ADAMTSL1: variants seen among roughly 807,000 people sequenced by gnomAD.
ADAMTSL1 encodes ADAMTS like 1, also known as ADAMTS-like protein 1.
Under a neutral mutation model 201.8 loss-of-function variants are expected in ADAMTSL1, and 126 were observed. The ratio of observed to expected loss-of-function variants is 0.62; its 90% CI spans 0.54 to 0.72. The LOEUF is 0.72. Among genes scored for constraint, ADAMTSL1 ranks in the 30% least tolerant of loss-of-function variants. ADAMTSL1 has a pLI of 0.00. For synonymous variants in ADAMTSL1, 1,121 were observed against 903.4 expected (o/e 1.24, Z -4.32); for missense variants, 2,679 against 2,277.8 (o/e 1.18, Z -3.59).
chr9:17,984,498 G>T (rs1192341238), intron 1 of ADAMTSL1, among the ~76,000 whole-genome samples: 1 of 151,348 alleles, frequency 6.6e-6, no homozygotes, highest in South Asian at 2.1e-4. Flanking sequence ...CCCATTATAG[G>T]GATTTATATG....
At chr9:18,601,299 A>G (rs1052981752) in intron 4 of ADAMTSL1, among the ~76,000 whole-genome samples, 4 of 152,238 alleles carry the variant, frequency 2.6e-5, no homozygotes, top group Admixed American at 1.3e-4. Context: ...CTATGTATTT[A>G]GCAAAATAAG....
chr9:18,235,929 T>A (rs886657842), intron 2 of ADAMTSL1, among the ~76,000 whole-genome samples: 3 of 152,224 alleles, frequency 2.0e-5, no homozygotes, highest in African/African-American at 7.2e-5. Flanking sequence ...CATTACCACA[T>A]TGCTAGACAC....
chr9:17,942,326 GA>G (rs1212924639), intron 1 of ADAMTSL1, among the ~76,000 whole-genome samples: 1 of 152,152 alleles, frequency 6.6e-6, no homozygotes, highest in Non-Finnish European at 1.5e-5. Flanking sequence ...TATACCTCAT[GA>G]AAGTACTGAT....
At chr9:18,099,326 A>AATATATATATATATATATATAT (rs71333027) in intron 1 of ADAMTSL1, among the ~76,000 whole-genome samples, 25 of 57,574 alleles carry the variant, frequency 4.3e-4, no homozygotes, top group South Asian at 1.1e-3. Flanking sequence ...GCAAATGGAA[A>AATATATATATATATATATATAT]ATATATATAT....
intron 27 of ADAMTSL1, 45 bp downstream of exon 27, chr9:18,905,936 A>G (rs761458334): frequency 6.7e-7 from 1 of 1,482,404 alleles, no homozygotes; most frequent in Non-Finnish European, 9.3e-7. Context: ...CCATGTCAAC[A>G]GCACGGAAAG....
Position 18,549,700 on chromosome 9 carries a change from G to A in ADAMTSL1, c.237+16408G>A, listed in dbSNP as rs1208911820. On this transcript the variant is annotated intron_variant, in intron 3 of 28. Coordinates refer to ENST00000380548, the MANE Select transcript of ADAMTSL1 (RefSeq NM_001040272.6). ...ATGTTGCTTTGGTCACTGAAATGTG[G>A]GTTTAAATGAGCTATGTTACTTTCT... 3.3e-5 allele frequency among the ~76,000 whole-genome samples: 5 copies of A among 152,052 alleles called. No individual in the cohort carries two copies. The East Asian group carries it at 9.7e-4, about 29-fold the overall frequency.
intron 1 of ADAMTSL1, among the ~76,000 whole-genome samples, chr9:17,944,503 T>C (rs2131356043): frequency 6.6e-6 from 1 of 151,422 alleles, no homozygotes; most frequent in East Asian, 1.9e-4. Flanking sequence ...GCCCGCATCA[T>C]CAAGTCAATC....
chr9:17,980,695 A>G (rs930951183), intron 1 of ADAMTSL1, among the ~76,000 whole-genome samples: 1 of 152,108 alleles, frequency 6.6e-6, no homozygotes, highest in African/African-American at 2.4e-5. Context: ...AACACAAAAG[A>G]GAGGATCACT....
intron 12 of ADAMTSL1, among the ~76,000 whole-genome samples, chr9:18,682,448 C>T (rs1830562166): frequency 6.6e-6 from 1 of 151,944 alleles, no homozygotes; most frequent in Non-Finnish European, 1.5e-5. Flanking sequence ...ATTCCAGAAC[C>T]ATAATTTAAA....
intron 1 of ADAMTSL1, among the ~76,000 whole-genome samples, chr9:18,011,473 G>T (rs572296230): frequency 6.6e-6 from 1 of 152,082 alleles, no homozygotes; most frequent in Non-Finnish European, 1.5e-5. Context: ...ATGGAAGATG[G>T]CACGGAACCG....
At position 18,180,350 on chromosome 9, in the gene ADAMTSL1, G is replaced by A. The variant is rs1028196497; in HGVS notation, c.207+16369G>A. The stretch of plus-strand genomic sequence containing the variant: ...AGATCGAGACCATCCCGGCTAAAAC[G>A]GTGAAACCCCGTCTCTACTAAAAAT... On this transcript the variant is annotated intron_variant, in intron 2 of 29. Coordinates refer to the ADAMTSL1 transcript ENST00000680146. Among the ~76,000 whole-genome samples the A allele has an allele frequency of 5.1e-3, 780 of 151,968 alleles. 11 individuals are homozygous for A. Among genetic ancestry groups the A allele is most frequent in the African/African-American group, 0.018 (743 of 41,448 alleles).
At position 18,503,421 on chromosome 9, in the gene ADAMTSL1, G is replaced by GTATATATA. The variant is rs10673652; in HGVS notation, c.64-1395_64-1388dup. On this transcript the variant is annotated intron_variant, in intron 1 of 28. Transcript: ENST00000380548. ...TTAAGGCTGAATAGTATTCCATTGT[G>GTATATATA]TATATATATATATATATATACCACA... Among the ~76,000 whole-genome samples the GTATATATA allele has an allele frequency of 8.6e-3, 992 of 115,278 alleles. 27 individuals are homozygous for GTATATATA. Among genetic ancestry groups the GTATATATA allele is most frequent in the African/African-American group, 0.028 (920 of 32,584 alleles). 75.6% of individuals were successfully genotyped at this position (115,278 alleles called of 152,430 possible).
chr9:18,342,385 T>C (rs1441778376), intron 2 of ADAMTSL1, among the ~76,000 whole-genome samples: 2 of 152,132 alleles, frequency 1.3e-5, no homozygotes, highest in African/African-American at 2.4e-5. Flanking sequence ...AAGTATCATC[T>C]CAAGTGGTAA....
intron 1 of ADAMTSL1, among the ~76,000 whole-genome samples, chr9:18,030,672 G>A (rs999730740): frequency 6.6e-6 from 1 of 152,002 alleles, no homozygotes; most frequent in Non-Finnish European, 1.5e-5. Context: ...TTAATTTCTT[G>A]AATTTGCATG....
At chr9:18,252,560 T>A (rs1424885294) in intron 2 of ADAMTSL1, among the ~76,000 whole-genome samples, 2 of 152,194 alleles carry the variant, frequency 1.3e-5, no homozygotes, top group Non-Finnish European at 2.9e-5. Context: ...ACAATTGTTA[T>A]ACTATTGTTT....
intron 15 of ADAMTSL1, among the ~76,000 whole-genome samples, chr9:18,742,339 G>T (rs979048478): frequency 6.6e-6 from 1 of 152,188 alleles, no homozygotes; most frequent in Non-Finnish European, 1.5e-5. Flanking sequence ...TTGGATGAAT[G>T]TCAAATTATT....
chr9:18,287,529 A>G (rs1033002595), intron 2 of ADAMTSL1, among the ~76,000 whole-genome samples: 10 of 151,410 alleles, frequency 6.6e-5, no homozygotes, highest in Non-Finnish European at 1.3e-4. Flanking sequence ...ATATTTACAT[A>G]TATGTAAAAT....
intron 2 of ADAMTSL1, among the ~76,000 whole-genome samples, chr9:18,406,990 C>A (rs1818233803): frequency 1.3e-5 from 2 of 152,162 alleles, no homozygotes; most frequent in Non-Finnish European, 2.9e-5. Context: ...TTTATGTATT[C>A]ATCCAACAAA....
intron 2 of ADAMTSL1, among the ~76,000 whole-genome samples, chr9:18,224,708 C>G (rs1165368510): frequency 6.6e-6 from 1 of 152,104 alleles, no homozygotes; most frequent in Non-Finnish European, 1.5e-5. Context: ...CTAATTACCT[C>G]ATTTGCCAGC....
Sources: allele counts gnomAD v4.1 joint callset (sites outside exome capture counted in the v4.1 genomes callset), GRCh38; gene constraint gnomAD v4.1.1; transcripts MANE v1.5; gene names NCBI Gene and HGNC (gene_info 2026-07-23, HGNC 2026-07-21).